Variants in XXYLT1 observed in about 807,000 individuals in gnomAD.
XXYLT1 encodes UDP-xylose:alpha-xyloside alpha-1,3-xylosyltransferase.
XXYLT1 carries 20 observed loss-of-function variants against 28.9 expected under a neutral mutation model. The observed-to-expected ratio is 0.69, with a 90% CI of 0.49 to 1.00. The LOEUF (loss-of-function observed/expected upper bound fraction) is 1.00, where lower values mean the gene tolerates loss of function less well. XXYLT1 is among the 50% of genes least tolerant of loss of function. XXYLT1 has a pLI of 0.00. For missense variants in XXYLT1, 542 were observed against 560.1 expected (o/e 0.97, Z 0.33); for synonymous variants, 257 against 253.8 (o/e 1.01, Z -0.12).
chr3:195,112,539 C>G (rs1383480669), intron 3 of XXYLT1, among the ~76,000 whole-genome samples: 1 of 149,414 alleles, frequency 6.7e-6, no homozygotes. Flanking sequence ...GAGCCCCCAG[C>G]CCCAGGTGGG....
chr3:195,080,680 G>A (rs992238574), intron 3 of XXYLT1, among the ~76,000 whole-genome samples: 1 of 152,226 alleles, frequency 6.6e-6, no homozygotes, highest in African/African-American at 2.4e-5. Context: ...ACATGGTGGG[G>A]TGTTTTCCGG....
chr3:195,069,871 G>A lies in XXYLT1; in HGVS notation c.1026C>T (p.Pro342=). Residue 342 remains proline, a synonymous_variant, in exon 4 of 4, where the codon CCC becomes CCT. Coordinates refer to ENST00000310380, the MANE Select transcript of XXYLT1 (RefSeq NM_152531.5). ...TACAGTCCAGCACATGGAAGAGCTT[G>A]GGGTGCTCCATGCCGATCATGGTGA... is the stretch of plus-strand genomic sequence containing the variant. The part of the protein sequence containing the change: ...DFFTMIGMEH[P]KLFHVLDCTW... 1 of 1,614,174 alleles carries A rather than the reference G, an allele frequency of 6.2e-7. No homozygotes were observed. The highest frequency in any genetic ancestry group is 8.5e-7 in the Non-Finnish European group (1 of 1,180,032).
intron 2 of XXYLT1, among the ~76,000 whole-genome samples, chr3:195,177,841 G>A (rs112713786): frequency 0.039 from 5,913 of 151,912 alleles, 386 homozygotes; most frequent in African/African-American, 0.14. Context: ...AGGCTGAAGT[G>A]GGGTAATTGC....
chr3:195,107,026 G>T (rs1284756842), intron 3 of XXYLT1, among the ~76,000 whole-genome samples: 1 of 152,188 alleles, frequency 6.6e-6, no homozygotes. Context: ...TTGGCAATGG[G>T]ATTAGAAAAT....
intron 2 of XXYLT1, among the ~76,000 whole-genome samples, chr3:195,183,878 A>G (rs1722064165): frequency 6.6e-6 from 1 of 152,182 alleles, no homozygotes; most frequent in South Asian, 2.1e-4. Flanking sequence ...AAAAAACTGG[A>G]AGGCCTGACA....
At chr3:195,239,298 T>G (rs1271784571) in intron 1 of XXYLT1, among the ~76,000 whole-genome samples, 1 of 152,120 alleles carries the variant, frequency 6.6e-6, no homozygotes, top group Non-Finnish European at 1.5e-5. Context: ...TCTGGGGTCC[T>G]TTGCCCAGAC....
At chr3:195,103,142 T>C (rs1446030137) in intron 3 of XXYLT1, among the ~76,000 whole-genome samples, 4 of 152,238 alleles carry the variant, frequency 2.6e-5, no homozygotes, top group South Asian at 2.1e-4. Context: ...CAGTCAGTGC[T>C]GTGGGGGGCA....
intron 2 of XXYLT1, among the ~76,000 whole-genome samples, chr3:195,200,417 C>T (rs980468490): frequency 6.6e-6 from 1 of 152,220 alleles, no homozygotes; most frequent in African/African-American, 2.4e-5. Flanking sequence ...AGTGGGTTCA[C>T]TGGTAATAAT....
intron 3 of XXYLT1, among the ~76,000 whole-genome samples, chr3:195,120,615 C>T (rs953590635): frequency 6.6e-5 from 10 of 152,198 alleles, no homozygotes; most frequent in African/African-American, 2.2e-4. Context: ...CCATGACTAT[C>T]GTTAGCATTG....
intron 2 of XXYLT1, among the ~76,000 whole-genome samples, chr3:195,165,415 T>C (rs181791400): frequency 2.4e-4 from 37 of 152,066 alleles, no homozygotes; most frequent in African/African-American, 8.4e-4. Context: ...GAGAGGAAGA[T>C]GTCCACCCCC....
intron 3 of XXYLT1, among the ~76,000 whole-genome samples, chr3:195,143,278 G>A (rs1719587204): frequency 2.0e-5 from 3 of 152,176 alleles, no homozygotes; most frequent in Admixed American, 6.5e-5. Context: ...TGCAGCCCAC[G>A]GTGGGAGCAT....
chr3:195,254,984 G>C (rs901742393), intron 1 of XXYLT1, among the ~76,000 whole-genome samples: 1 of 152,094 alleles, frequency 6.6e-6, no homozygotes, highest in African/African-American at 2.4e-5. Context: ...TCATTCAAGA[G>C]ACACACGCCC....
intron 1 of XXYLT1, among the ~76,000 whole-genome samples, chr3:195,228,835 A>G (rs1044836071): frequency 6.8e-6 from 1 of 148,122 alleles, no homozygotes; most frequent in African/African-American, 2.6e-5. Flanking sequence ...TTTTCGAGAC[A>G]GAGTTTCACT....
intron 3 of XXYLT1, among the ~76,000 whole-genome samples, chr3:195,156,080 G>A (rs1378480859): frequency 1.3e-5 from 2 of 152,194 alleles, no homozygotes; most frequent in Non-Finnish European, 2.9e-5. Flanking sequence ...GAGAATGGGG[G>A]TCACTGGTGA....
Position 195,199,427 on chromosome 3 carries a change from C to T in XXYLT1, c.652+27282G>A, listed in dbSNP as rs375474596. Among the ~76,000 whole-genome samples the T allele has an allele frequency of 6.4e-3, 980 of 152,068 alleles. 12 individuals carry two copies. The highest frequency in any genetic ancestry group is 0.023 in the African/African-American group (937 of 41,470). ...GAGATCGAGACCATCCTGGCTAACA[C>T]GGTGAAACCCTGTCTCTACTAAAAA... On this transcript the variant is annotated intron_variant, in intron 2 of 3. Transcript: ENST00000310380.
intron 3 of XXYLT1, among the ~76,000 whole-genome samples, chr3:195,152,032 G>T (rs1295273995): frequency 6.6e-6 from 1 of 152,126 alleles, no homozygotes; most frequent in African/African-American, 2.4e-5. Flanking sequence ...AACAACAGAG[G>T]GTCAGAGAAT....
chr3:195,198,887 C>T (rs185137830), intron 2 of XXYLT1, among the ~76,000 whole-genome samples: 167 of 152,228 alleles, frequency 1.1e-3, no homozygotes, highest in African/African-American at 3.9e-3. Context: ...CTTCGAGAAA[C>T]GCAGACAAGA....
At chr3:195,131,625 A>G (rs1718910285) in intron 3 of XXYLT1, among the ~76,000 whole-genome samples, 1 of 152,172 alleles carries the variant, frequency 6.6e-6, no homozygotes, top group Admixed American at 6.5e-5. Flanking sequence ...CAACAGTTCA[A>G]ACTGAGAACT....
chr3:195,174,851 C>T (rs1721583880), intron 2 of XXYLT1, among the ~76,000 whole-genome samples: 1 of 151,616 alleles, frequency 6.6e-6, no homozygotes, highest in African/African-American at 2.4e-5. Context: ...TGGACTCAAG[C>T]GATCCTCCCT....
Sources: allele counts gnomAD v4.1 joint callset (sites outside exome capture counted in the v4.1 genomes callset), GRCh38; gene constraint gnomAD v4.1.1; transcripts MANE v1.5; gene names NCBI Gene and HGNC (gene_info 2026-07-23, HGNC 2026-07-21).